RSRC1: variants seen among roughly 807,000 people sequenced by gnomAD.
RSRC1 encodes serine/Arginine-related protein 53.
A neutral mutation model predicts 49.1 loss-of-function variants in RSRC1; 39 were observed. The ratio of observed to expected loss-of-function variants is 0.79; its 90% CI spans 0.61 to 1.04. The LOEUF is 1.04. Among genes scored for constraint, RSRC1 ranks in the 50% least tolerant of loss-of-function variants. The probability of loss-of-function intolerance (pLI) is 0.00; values close to 1 mark genes in which losing one functional copy is unlikely to be tolerated. For missense variants in RSRC1, 388 were observed against 402.4 expected (o/e 0.96, Z 0.31); for synonymous variants, 143 against 130.8 (o/e 1.09, Z -0.63).
intron 5 of RSRC1, among the ~76,000 whole-genome samples, chr3:158,305,594 A>G (rs1323588290): frequency 6.6e-6 from 1 of 152,074 alleles, no homozygotes. Flanking sequence ...ATCTAACTTA[A>G]GTAACTGTAG....
At chr3:158,311,035 G>A (rs1728092413) in intron 5 of RSRC1, among the ~76,000 whole-genome samples, 1 of 151,722 alleles carries the variant, frequency 6.6e-6, no homozygotes, top group Admixed American at 6.6e-5. Context: ...GACAAAAGTG[G>A]CACTTATTAA....
At chr3:158,304,004 T>C (rs1332221799) in intron 5 of RSRC1, among the ~76,000 whole-genome samples, 1 of 152,198 alleles carries the variant, frequency 6.6e-6, no homozygotes, top group Non-Finnish European at 1.5e-5. Flanking sequence ...TTTCTATTAA[T>C]AGTTGAATAG....
chr3:158,118,360 A>C (rs993058315), intron 1 of RSRC1, among the ~76,000 whole-genome samples: 19 of 148,406 alleles, frequency 1.3e-4, no homozygotes, highest in Non-Finnish European at 2.8e-4. Flanking sequence ...CAGCTTCCTG[A>C]ATAGCTAGTA....
intron 7 of RSRC1, among the ~76,000 whole-genome samples, chr3:158,507,274 A>G (rs1343082859): frequency 6.6e-6 from 1 of 152,188 alleles, no homozygotes; most frequent in Non-Finnish European, 1.5e-5. Context: ...GTTAAAGAGT[A>G]CAAAAATAAC....
At position 158,210,945 on chromosome 3, in the gene RSRC1, C is replaced by G. The variant is rs184614637; in HGVS notation, c.494+7700C>G. ...ATGGCATGAATTGTAGGTTCATTCT[C>G]TTTTTTGGTGATTGCTCGACTGTGA... On this transcript the variant is annotated intron_variant, in intron 4 of 9. Coordinates refer to ENST00000611884, the MANE Select transcript of RSRC1 (RefSeq NM_001271838.2). 1.8e-4 allele frequency among the ~76,000 whole-genome samples: 28 copies of G among 152,072 alleles called. No individual in the cohort carries two copies. The Middle Eastern group carries it at 0.01, about 55-fold the overall frequency.
chr3:158,510,892 A>T (rs184320241), intron 7 of RSRC1, among the ~76,000 whole-genome samples: 1 of 152,150 alleles, frequency 6.6e-6, no homozygotes, highest in African/African-American at 2.4e-5. Context: ...TTCATTAAAT[A>T]GATTAAGTAA....
chr3:158,157,927 G>A (rs1717980597), intron 3 of RSRC1, among the ~76,000 whole-genome samples: 1 of 151,894 alleles, frequency 6.6e-6, no homozygotes, highest in Non-Finnish European at 1.5e-5. Context: ...AAAAAAAAGA[G>A]CAAGTGACAG....
At chr3:158,225,225 C>T (rs1722463157) in intron 4 of RSRC1, among the ~76,000 whole-genome samples, 1 of 151,682 alleles carries the variant, frequency 6.6e-6, no homozygotes, top group Non-Finnish European at 1.5e-5. Flanking sequence ...TACATTTTTC[C>T]AAGATAGCTA....
intron 7 of RSRC1, among the ~76,000 whole-genome samples, chr3:158,535,776 A>G (rs1451935419): frequency 6.6e-6 from 1 of 151,522 alleles, no homozygotes; most frequent in African/African-American, 2.4e-5. Flanking sequence ...ACTAAAGTAC[A>G]TTAAATAAAC....
chr3:158,361,941 A>G (rs1325138516), intron 6 of RSRC1, among the ~76,000 whole-genome samples: 5 of 152,150 alleles, frequency 3.3e-5, no homozygotes, highest in African/African-American at 7.2e-5. Flanking sequence ...GTCTTTGCAC[A>G]CCATTTATAT....
intron 4 of RSRC1, among the ~76,000 whole-genome samples, chr3:158,262,563 A>G (rs1724961744): frequency 6.6e-6 from 1 of 152,146 alleles, no homozygotes; most frequent in South Asian, 2.1e-4. Context: ...TTATTACTAC[A>G]CAAATTTTAT....
chr3:158,339,756 G>A (rs573306192), intron 5 of RSRC1, among the ~76,000 whole-genome samples: 1 of 152,300 alleles, frequency 6.6e-6, no homozygotes, highest in South Asian at 2.1e-4. Context: ...AGAGATATAA[G>A]ACAATGGTTG....
At chr3:158,156,345 A>G (rs1043285756) in intron 3 of RSRC1, among the ~76,000 whole-genome samples, 1 of 152,178 alleles carries the variant, frequency 6.6e-6, no homozygotes, top group Admixed American at 6.5e-5. Context: ...AGGGAATGTT[A>G]TGGCTGGTTT....
intron 6 of RSRC1, among the ~76,000 whole-genome samples, chr3:158,378,128 T>C (rs2108276262): frequency 6.6e-6 from 1 of 152,336 alleles, no homozygotes. Flanking sequence ...AGTTTAAAAT[T>C]TCTAACATGT....
intron 6 of RSRC1, among the ~76,000 whole-genome samples, chr3:158,423,425 C>G (rs1022978130): frequency 1.3e-5 from 2 of 151,918 alleles, no homozygotes; most frequent in Non-Finnish European, 2.9e-5. Flanking sequence ...TGTTCTGTTC[C>G]ATTGATCTAT....
chr3:158,224,290 G>C (rs568580460), intron 4 of RSRC1, among the ~76,000 whole-genome samples: 1 of 151,750 alleles, frequency 6.6e-6, no homozygotes, highest in Admixed American at 6.6e-5. Context: ...ATTTAATGTA[G>C]AATATTTTAA....
chr3:158,368,947 ATAAT>A (rs925879468), intron 6 of RSRC1, among the ~76,000 whole-genome samples: 1 of 152,132 alleles, frequency 6.6e-6, no homozygotes, highest in Non-Finnish European at 1.5e-5. Context: ...AGTGAAAGAA[ATAAT>A]TAATGTAATG....
chr3:158,479,713 A>G (rs1474421873), intron 7 of RSRC1, among the ~76,000 whole-genome samples: 2 of 152,032 alleles, frequency 1.3e-5, no homozygotes, highest in Non-Finnish European at 2.9e-5. Flanking sequence ...ACACTAAACT[A>G]ACAAGGCATT....
intron 3 of RSRC1, among the ~76,000 whole-genome samples, chr3:158,136,581 G>A (rs555634963): frequency 1.3e-3 from 194 of 148,752 alleles, no homozygotes; most frequent in Admixed American, 4.6e-3. Context: ...AATTTTTAGG[G>A]CTAAAAGGTT....
Sources: allele counts gnomAD v4.1 joint callset (sites outside exome capture counted in the v4.1 genomes callset), GRCh38; gene constraint gnomAD v4.1.1; transcripts MANE v1.5; gene names NCBI Gene and HGNC (gene_info 2026-07-23, HGNC 2026-07-21).